COL12A1: variants seen among roughly 807,000 people sequenced by gnomAD.
The protein encoded by COL12A1 is collagen alpha-1(XII) chain.
COL12A1 carries 114 observed loss-of-function variants against 349.7 expected under a neutral mutation model. That is an observed-to-expected ratio of 0.33 (90% CI 0.28 to 0.38). The LOEUF (loss-of-function observed/expected upper bound fraction) is 0.38, where lower values mean the gene tolerates loss of function less well. COL12A1 is among the 10% of genes least tolerant of loss of function. The pLI, the probability that COL12A1 is intolerant of heterozygous loss-of-function variation, is 1.00. For missense variants in COL12A1, 3,284 were observed against 3,756.9 expected (o/e 0.87, Z 3.29); for synonymous variants, 1,369 against 1,329.0 (o/e 1.03, Z -0.66).
At chr6:75,197,016 A>G (rs927889937) in intron 2 of COL12A1, among the ~76,000 whole-genome samples, 1 of 152,078 alleles carries the variant, frequency 6.6e-6, no homozygotes, top group African/African-American at 2.4e-5. Flanking sequence ...AGAATGGCCA[A>G]CCCGCATGGG....
At position 75,113,779 on chromosome 6, in the gene COL12A1, G is replaced by A. The variant is rs766859003; in HGVS notation, c.7698-35C>T. 7.5e-6 allele frequency: 11 copies of A among 1,465,610 alleles called. No homozygotes were observed. In the Admixed American group the frequency reaches 1.1e-4, roughly 14 times the overall value. 90.8% of individuals were successfully genotyped at this position (1,465,610 alleles called of 1,614,324 possible). ...AAAACAAAAGAAAGAAAAAGGAGAGGAAAGAAAAAAAGAAAGGAAGAAAGA... is the reference window on the plus strand; with the variant it reads ...AAAACAAAAGAAAGAAAAAGGAGAGAAAAGAAAAAAAGAAAGGAAGAAAGA... On this transcript the variant is annotated intron_variant, in intron 49 of 65. Transcript: ENST00000322507.
intron 47 of COL12A1, 81 bp from the exon 48 acceptor site, chr6:75,116,138 T>C (rs1036440459): frequency 1.4e-4 from 182 of 1,271,072 alleles, no homozygotes; most frequent in Non-Finnish European, 1.8e-4. Flanking sequence ...GCAATGAACG[T>C]ATTTCAAGTA....
intron 57 of COL12A1, 129 bp from the exon 58 acceptor site, chr6:75,101,782 G>A: frequency 9.0e-7 from 1 of 1,111,968 alleles, no homozygotes; most frequent in Non-Finnish European, 1.3e-6. Flanking sequence ...ACAGAGCCAA[G>A]CACATTGCCA....
chr6:75,088,481 GAGGAAGGA>G (rs928490168), intron 64 of COL12A1, among the ~76,000 whole-genome samples: 2 of 151,196 alleles, frequency 1.3e-5, no homozygotes, highest in African/African-American at 2.4e-5. Flanking sequence ...AATAGGAAGG[GAGGAAGGA>G]AGGAAGGAAG....
At chr6:75,089,295 T>A in intron 63 of COL12A1, 121 bp from the exon 64 acceptor site, 1 of 716,682 alleles carries the variant, frequency 1.4e-6, no homozygotes, top group Non-Finnish European at 2.2e-6. Context: ...AGAACCTAAT[T>A]TTTCACAGAA....
At chr6:75,089,542 G>C (rs898059737) in intron 63 of COL12A1, among the ~76,000 whole-genome samples, 4 of 152,164 alleles carry the variant, frequency 2.6e-5, no homozygotes, top group African/African-American at 9.7e-5. Flanking sequence ...AGCCAAACCA[G>C]TAGAATTATA....
chr6:75,184,140 A>G lies in COL12A1; in HGVS notation c.1002T>C (p.Val334=). 6.2e-7 allele frequency: 1 copy of G among 1,613,086 alleles called. No homozygotes were observed. The highest frequency in any genetic ancestry group is 8.5e-7 in the Non-Finnish European group (1 of 1,179,470). The change falls in exon 9 of 66, where the codon GTT becomes GTC. Residue 334 remains valine, a synonymous_variant. Coordinates refer to ENST00000322507, the MANE Select transcript of COL12A1 (RefSeq NM_004370.6). The part of the protein sequence containing the change: ...LGELVSGEEV[V]EPPSNLIAME... ...TGGCAATCAAATTTGAAGGAGGCTC[A>G]ACAACTAAAAAGTTACAAGCAGACA...
At chr6:75,181,255 T>C (rs376711848) in intron 10 of COL12A1, 44 bp from the exon 11 acceptor site, 22 of 1,538,528 alleles carry the variant, frequency 1.4e-5, no homozygotes, top group Non-Finnish European at 1.9e-5. Flanking sequence ...CTTGAATCTA[T>C]AAAACAAAAC....
intron 52 of COL12A1, among the ~76,000 whole-genome samples, chr6:75,108,815 G>A (rs1381064925): frequency 1.3e-5 from 2 of 152,088 alleles, no homozygotes; most frequent in East Asian, 1.9e-4. Context: ...TTTGTTTCTA[G>A]CAAGTAGTTA....
At chr6:75,186,803 T>A (rs1266826438) in intron 8 of COL12A1, among the ~76,000 whole-genome samples, 1 of 152,068 alleles carries the variant, frequency 6.6e-6, no homozygotes, top group African/African-American at 2.4e-5. Context: ...AAGAACAAGA[T>A]CATGTCCTTT....
At chr6:75,135,204 G>GAT (rs1231803300) in intron 31 of COL12A1, among the ~76,000 whole-genome samples, 1 of 152,108 alleles carries the variant, frequency 6.6e-6, no homozygotes, top group Non-Finnish European at 1.5e-5. Context: ...GGGACTTTAA[G>GAT]ATATGAAACA....
rs1463513548 is a variant in COL12A1, at chr6:75,155,642, C to T, written c.3443+20G>A. On this transcript the variant is annotated intron_variant, in intron 16 of 65. Transcript: ENST00000322507. Reference sequence around the variant, plus strand: ...AACAAATTAATTTCATCCTTTGATACAAACGTAGTTAATTCCTACCTAAGT... The same window carrying T: ...AACAAATTAATTTCATCCTTTGATATAAACGTAGTTAATTCCTACCTAAGT... 1 of 1,585,856 alleles carries T rather than the reference C, an allele frequency of 6.3e-7. No individual in the cohort carries two copies. Among genetic ancestry groups the T allele is most frequent in the Non-Finnish European group, 8.5e-7 (1 of 1,170,360 alleles).
In COL12A1 at chr6:75,090,965, C is replaced by T. The variant is rs1489056726; in HGVS notation, c.8752+358G>A. Among the ~76,000 whole-genome samples, 4 of 152,184 alleles carry T rather than the reference C, an allele frequency of 2.6e-5. No individual in the cohort carries two copies. The highest frequency in any genetic ancestry group is 5.9e-5 in the Non-Finnish European group (4 of 68,028). On this transcript the variant is annotated intron_variant, in intron 62 of 65. Transcript: ENST00000322507. This position sits in a 1 kb window ranked among gnomAD's most constrained non-coding sequence, Gnocchi z 4.1. ...TGGAATAAGAAGAGCCTGTGAAAAA[C>T]AGGCAAGAGAGAGTTTCCTACCAAA... is the stretch of plus-strand genomic sequence containing the variant.
At chr6:75,117,688 C>G (rs1769156932) in intron 46 of COL12A1, 142 bp from the exon 47 acceptor site, 1 of 721,144 alleles carries the variant, frequency 1.4e-6, no homozygotes, top group Non-Finnish European at 2.1e-6. Flanking sequence ...CGTGAACTCT[C>G]TTTAATAAAT....
intron 3 of COL12A1, among the ~76,000 whole-genome samples, chr6:75,192,588 T>C (rs1224830201): frequency 6.6e-6 from 1 of 152,156 alleles, no homozygotes; most frequent in African/African-American, 2.4e-5. Context: ...AATACTTGTT[T>C]GAGAATTCAA....
At chr6:75,134,024 G>C in intron 32 of COL12A1, 27 bp from the exon 33 acceptor site, 1 of 1,603,134 alleles carries the variant, frequency 6.2e-7, no homozygotes, top group Non-Finnish European at 8.5e-7. Flanking sequence ...TCCCATCACA[G>C]TATAATGCTA....
chr6:75,088,304 T>C (rs901084581), intron 64 of COL12A1, among the ~76,000 whole-genome samples: 10 of 152,184 alleles, frequency 6.6e-5, no homozygotes, highest in Non-Finnish European at 1.3e-4. Context: ...AGTAGTCCTA[T>C]CCAAAATATA....
chr6:75,089,992 A>G, intron 63 of COL12A1, 118 bp downstream of exon 63: 1 of 1,115,330 alleles, frequency 9.0e-7, no homozygotes, highest in South Asian at 1.5e-5. Context: ...GAGGCTGTCC[A>G]AACAAGACCA....
intron 2 of COL12A1, among the ~76,000 whole-genome samples, chr6:75,199,946 A>G (rs1184741760): frequency 6.6e-6 from 1 of 152,234 alleles, no homozygotes; most frequent in East Asian, 1.9e-4. Flanking sequence ...GGTTTTTAAT[A>G]TATAAAACAT....
Sources: gnomAD v4.1 joint callset for allele counts (sites outside exome capture counted in the v4.1 genomes callset) on GRCh38, gnomAD v4.1.1 for gene constraint, Gnocchi (gnomAD v3.1) non-coding constraint, MANE v1.5 for transcripts, NCBI Gene and HGNC (gene_info 2026-07-23, HGNC 2026-07-21) for gene names.